Variants in HCN1 observed in about 807,000 individuals in gnomAD.
HCN1 encodes the protein potassium/sodium hyperpolarization-activated cyclic nucleotide-gated channel 1.
Under a neutral mutation model 78.9 loss-of-function variants are expected in HCN1, and 13 were observed. The ratio of observed to expected loss-of-function variants is 0.16; its 90% confidence interval spans 0.11 to 0.26. The LOEUF is 0.26. Ranked by LOEUF, HCN1 falls within the 10% of genes least tolerant of loss-of-function variation. The pLI, the probability that HCN1 is intolerant of heterozygous loss-of-function variation, is 1.00. For missense variants in HCN1, 810 were observed against 1,154.3 expected, an observed-to-expected ratio of 0.70 and a Z score of 4.32; for synonymous variants, 552 against 455.5, an observed-to-expected ratio of 1.21 and a Z score of -2.70.
intron 2 of HCN1, among the ~76,000 whole-genome samples, chr5:45,545,212 T>A (rs1378278207): frequency 3.9e-5 from 6 of 152,224 alleles, no homozygotes; most frequent in Non-Finnish European, 7.3e-5. Context: ...ATGATGAGCA[T>A]TTTTTCATGT....
At chr5:45,512,437 C>T (rs1170918983) in intron 2 of HCN1, among the ~76,000 whole-genome samples, 1 of 151,926 alleles carries the variant, frequency 6.6e-6, no homozygotes, top group East Asian at 1.9e-4. Context: ...AGAAAGCTGG[C>T]CCCATAGGGC....
intron 5 of HCN1, among the ~76,000 whole-genome samples, chr5:45,316,886 T>C (rs1161235645): frequency 6.6e-6 from 1 of 152,042 alleles, no homozygotes; most frequent in Non-Finnish European, 1.5e-5. Context: ...CAAGGAGAAT[T>C]AAAAACCACT....
chr5:45,677,409 C>T (rs1739585201), intron 1 of HCN1, among the ~76,000 whole-genome samples: 1 of 151,586 alleles, frequency 6.6e-6, no homozygotes, highest in Admixed American at 6.6e-5. Flanking sequence ...AGGGCTGGAG[C>T]CTTGGGGGAA....
At chr5:45,386,589 G>A (rs1007963346) in intron 4 of HCN1, among the ~76,000 whole-genome samples, 2 of 152,002 alleles carry the variant, frequency 1.3e-5, no homozygotes, top group South Asian at 4.1e-4. Context: ...CTTAGTTCAG[G>A]GGCTCATTAT....
chr5:45,327,259 A>G (rs1203866624), intron 5 of HCN1, among the ~76,000 whole-genome samples: 1 of 151,722 alleles, frequency 6.6e-6, no homozygotes, highest in African/African-American at 2.4e-5. Flanking sequence ...TGCTGAAACT[A>G]AACAAATGTC....
chr5:45,281,094 C>A (rs1745153649), intron 6 of HCN1, among the ~76,000 whole-genome samples: 1 of 151,644 alleles, frequency 6.6e-6, no homozygotes, highest in Non-Finnish European at 1.5e-5. Context: ...TTATGACAGA[C>A]AAAGTTTGAT....
At chr5:45,555,315 C>G (rs1451671428) in intron 2 of HCN1, among the ~76,000 whole-genome samples, 1 of 151,644 alleles carries the variant, frequency 6.6e-6, no homozygotes, top group East Asian at 1.9e-4. Flanking sequence ...AAATACAATA[C>G]TTAGGAACAA....
At chr5:45,582,118 G>T (rs1384570837) in intron 2 of HCN1, among the ~76,000 whole-genome samples, 2 of 152,098 alleles carry the variant, frequency 1.3e-5, no homozygotes, top group African/African-American at 4.8e-5. Context: ...GGGCAGTATG[G>T]CCATTTTCAC....
intron 4 of HCN1, among the ~76,000 whole-genome samples, chr5:45,395,309 C>A (rs1044717699): frequency 1.3e-5 from 2 of 152,076 alleles, no homozygotes; most frequent in African/African-American, 2.4e-5. Context: ...GTATATAATT[C>A]TTAGTTAAAT....
intron 6 of HCN1, among the ~76,000 whole-genome samples, chr5:45,296,820 A>G (rs1745502582): frequency 6.6e-6 from 1 of 152,028 alleles, no homozygotes; most frequent in Non-Finnish European, 1.5e-5. Context: ...AACTACAGAG[A>G]ACTCAGTGTC....
At chr5:45,682,355 G>T (rs1450105020) in intron 1 of HCN1, among the ~76,000 whole-genome samples, 3 of 148,492 alleles carry the variant, frequency 2.0e-5, no homozygotes, top group Non-Finnish European at 3.0e-5. Context: ...AGAGCTCATA[G>T]AAATATGCAT....
intron 2 of HCN1, among the ~76,000 whole-genome samples, chr5:45,515,591 T>C (rs1372651969): frequency 1.3e-5 from 2 of 152,022 alleles, no homozygotes; most frequent in Non-Finnish European, 2.9e-5. Flanking sequence ...GCCAAGTATA[T>C]AAGTTATAAC....
chr5:45,608,426 ACTT>A (rs144876560), intron 2 of HCN1, among the ~76,000 whole-genome samples: 40,195 of 150,254 alleles, frequency 0.27, 5,462 homozygotes, highest in East Asian at 0.32. Context: ...ATGAAGAACT[ACTT>A]CTTTATATGG....
intron 2 of HCN1, among the ~76,000 whole-genome samples, chr5:45,507,717 T>G (rs1202354761): frequency 2.0e-5 from 3 of 152,124 alleles, no homozygotes; most frequent in Non-Finnish European, 4.4e-5. Flanking sequence ...TAAAGGATAA[T>G]TTTTAGGTCT....
intron 5 of HCN1, among the ~76,000 whole-genome samples, chr5:45,304,146 C>A (rs1745681067): frequency 6.6e-6 from 1 of 152,046 alleles, no homozygotes; most frequent in South Asian, 2.1e-4. Flanking sequence ...GTATATGAAA[C>A]TAAAACTTCT....
chr5:45,297,364 G>A (rs1745518389), intron 6 of HCN1, among the ~76,000 whole-genome samples: 1 of 152,038 alleles, frequency 6.6e-6, no homozygotes, highest in Non-Finnish European at 1.5e-5. Context: ...TTGGGCATTA[G>A]GGCCATTATG....
intron 2 of HCN1, among the ~76,000 whole-genome samples, chr5:45,465,053 T>C (rs1202200822): frequency 6.6e-6 from 1 of 152,154 alleles, no homozygotes; most frequent in East Asian, 1.9e-4. Context: ...GTGGACATTC[T>C]TAAGTAATAA....
intron 7 of HCN1, among the ~76,000 whole-genome samples, chr5:45,265,013 A>AC (rs1036049918): frequency 6.6e-6 from 1 of 151,964 alleles, no homozygotes; most frequent in Non-Finnish European, 1.5e-5. Flanking sequence ...ACATGGTGAA[A>AC]CCCCGTCTCT....
chr5:45,438,270 A>G (rs1465027454), intron 3 of HCN1, among the ~76,000 whole-genome samples: 1 of 152,180 alleles, frequency 6.6e-6, no homozygotes, highest in Non-Finnish European at 1.5e-5. Flanking sequence ...GATTGAAAGT[A>G]GAGTCCCATG....
Sources: allele counts gnomAD v4.1 joint callset (sites outside exome capture counted in the v4.1 genomes callset), GRCh38; gene constraint gnomAD v4.1.1; transcripts MANE v1.5; gene names NCBI Gene and HGNC (gene_info 2026-07-23, HGNC 2026-07-21).